The following NALF2 variants were observed in gnomAD, a reference collection of about 807,000 sequenced individuals.
NALF2 encodes NALCN channel auxiliary factor 2, also known as bB57D9.1 (TED protein).
NALF2 carries 1 observed loss-of-function variant against 24.8 expected under a neutral mutation model. The ratio of observed to expected loss-of-function variants is 0.04; its 90% CI spans 0.01 to 0.19. The LOEUF is 0.19. Ranked by LOEUF, NALF2 falls within the 10% of genes least tolerant of loss-of-function variation. NALF2 has a pLI of 1.00. For synonymous variants in NALF2, 254 were observed against 189.8 expected (o/e 1.34, Z -2.78); for missense variants, 458 against 409.6 (o/e 1.12, Z -1.02).
rs1191401156 is a variant in NALF2 at position 69,529,852 on chromosome X, A to T, written c.1315A>T (p.Met439Leu). The change falls in exon 3 of 3, where the codon ATG (methionine) becomes TTG (leucine). Residue 439 changes from methionine (M) to leucine (L), a missense_variant. Transcript: ENST00000252338. ...SRIRLCVLVL[M>L]LLHTVVSFSS... is the part of the protein sequence containing the mutation. ...GATCCGGCTCTGCGTCCTTGTTCTCATGCTCCTCCATACCGTGGTGTCCTT... is the reference window on the plus strand; with the variant it reads ...GATCCGGCTCTGCGTCCTTGTTCTCTTGCTCCTCCATACCGTGGTGTCCTT... 8.3e-7 allele frequency: 1 copy of T among 1,210,720 alleles called. No individual in the cohort carries two copies. Among genetic ancestry groups the T allele is most frequent in the South Asian group, 1.8e-5 (1 of 56,932 alleles).
chrX:69,509,731 C>T (rs764524789), intron 1 of NALF2, among the ~76,000 whole-genome samples: 4 of 111,785 alleles, frequency 3.6e-5, no homozygotes, highest in Non-Finnish European at 7.5e-5. Flanking sequence ...AGAGGTGACT[C>T]GGGCAGATAT....
At position 69,504,403 on chromosome X, in the gene NALF2, C is replaced by G. The variant is rs901399555; in HGVS notation, c.-880C>G. ...CCAAACACACTTGCACAGGGGCTCT[C>G]AAGGTGTTCTCCGCACAGCGGAAGA... On this transcript the variant is annotated 5_prime_UTR_variant, in exon 1 of 3. Transcript: ENST00000252338. Among the ~76,000 whole-genome samples the G allele has an allele frequency of 8.8e-6, 1 of 113,304 alleles. No individual in the cohort carries two copies. Among genetic ancestry groups the G allele is most frequent in the African/African-American group, 3.2e-5 (1 of 31,274 alleles).
rs890807136 is a variant in NALF2, at chrX:69,530,437, A to G, written c.*481A>G. Reference sequence around the variant, plus strand: ...CCTACAGGCGACGGCAGACAGTGCAATGGCCCTCCTGCCACTTCAGCACAC... The same window carrying G: ...CCTACAGGCGACGGCAGACAGTGCAGTGGCCCTCCTGCCACTTCAGCACAC... On this transcript the variant is annotated 3_prime_UTR_variant, in exon 3 of 3. Coordinates refer to ENST00000252338, the MANE Select transcript of NALF2 (RefSeq NM_015686.3). The G allele has an allele frequency of 8.5e-6, 1 of 118,029 alleles. No homozygotes were observed. The highest frequency in any genetic ancestry group is 1.8e-5 in the Non-Finnish European group (1 of 56,183). The allele number at this position is 118,029 out of a possible 1,213,427, so 9.7% of individuals were successfully genotyped here.
At chrX:69,519,576 T>G (rs1395418484) in intron 1 of NALF2, among the ~76,000 whole-genome samples, 1 of 112,216 alleles carries the variant, frequency 8.9e-6, no homozygotes, top group East Asian at 2.8e-4. Context: ...GCAAATGTGA[T>G]CTTAGGCTGC....
At chrX:69,514,905 A>G (rs1169642732) in intron 1 of NALF2, among the ~76,000 whole-genome samples, 1 of 112,235 alleles carries the variant, frequency 8.9e-6, no homozygotes, top group Non-Finnish European at 1.9e-5. Context: ...ATGTAATTAA[A>G]TATTCATAAA....
chrX:69,515,957 A>C (rs1234927297), intron 1 of NALF2, among the ~76,000 whole-genome samples: 2 of 112,429 alleles, frequency 1.8e-5, no homozygotes, highest in Non-Finnish European at 3.8e-5. Context: ...TCATCCAGCT[A>C]GTAAGAGTTG....
At chrX:69,511,949 C>A (rs762770146) in intron 1 of NALF2, among the ~76,000 whole-genome samples, 1 of 111,658 alleles carries the variant, frequency 9.0e-6, no homozygotes, top group African/African-American at 3.3e-5. Flanking sequence ...GACTCAGGGG[C>A]GGGAGTGTGC....
At chrX:69,516,947 C>T (rs1279850319) in intron 1 of NALF2, among the ~76,000 whole-genome samples, 2 of 111,751 alleles carry the variant, frequency 1.8e-5, no homozygotes, top group African/African-American at 6.5e-5. Flanking sequence ...GAATGGACTA[C>T]GTAGACTGAT....
intron 1 of NALF2, among the ~76,000 whole-genome samples, chrX:69,507,194 A>C (rs939938390): frequency 1.8e-5 from 2 of 111,572 alleles, no homozygotes; most frequent in Non-Finnish European, 3.8e-5. Flanking sequence ...AGAGTGAGAC[A>C]GTTGCTTTCT....
chrX:69,513,801 C>A (rs1469711604), intron 1 of NALF2, among the ~76,000 whole-genome samples: 1 of 111,001 alleles, frequency 9.0e-6, no homozygotes. Context: ...GTGTACAATT[C>A]AGTGGAATTA....
chrX:69,509,694 A>G (rs1362757101), intron 1 of NALF2, among the ~76,000 whole-genome samples: 4 of 111,319 alleles, frequency 3.6e-5, no homozygotes, highest in Non-Finnish European at 7.5e-5. Flanking sequence ...TTCTGGAGAG[A>G]GTTGAAGGAG....
chrX:69,526,186 C>T (rs1930805669), intron 1 of NALF2, among the ~76,000 whole-genome samples: 1 of 111,665 alleles, frequency 9.0e-6, no homozygotes, highest in Admixed American at 9.5e-5. Context: ...ATTCTCTGTT[C>T]TCTTAACACA....
intron 2 of NALF2, 25 bp from the exon 3 acceptor site, chrX:69,529,545 AC>A: frequency 8.4e-7 from 1 of 1,192,417 alleles, no homozygotes; most frequent in Non-Finnish European, 1.1e-6. Context: ...CGAGCACCCC[AC>A]CACACCTTCC....
intron 1 of NALF2, among the ~76,000 whole-genome samples, chrX:69,513,608 C>G (rs1930616385): frequency 9.9e-6 from 1 of 100,970 alleles, no homozygotes. Flanking sequence ...CTAAGTTAAT[C>G]TCTTAGAATT....
In NALF2 at chrX:69,525,589, C is replaced by T. The variant is rs76175574; in HGVS notation, c.862-3404C>T. Among the ~76,000 whole-genome samples the T allele has an allele frequency of 0.023, 2,477 of 109,364 alleles. 102 individuals are homozygous for T. The East Asian group carries it at 0.24, about 11-fold the overall frequency. 95.0% of individuals were successfully genotyped at this position (109,364 alleles called of 115,157 possible). A position where few individuals can be genotyped will look rare whatever the true frequency, so the allele number is the denominator to read the frequency against. ...TTAGCCACTCTTATTCCATCTTATT[C>T]ACCCCCGCTTGTTCTTACCCATCTT... On this transcript the variant is annotated intron_variant, in intron 1 of 2. Coordinates refer to ENST00000252338, the MANE Select transcript of NALF2 (RefSeq NM_015686.3).
At chrX:69,524,488 A>G (rs1024255849) in intron 1 of NALF2, among the ~76,000 whole-genome samples, 2 of 111,557 alleles carry the variant, frequency 1.8e-5, no homozygotes, top group South Asian at 7.5e-4. Flanking sequence ...GTTCACCCAG[A>G]ACTGACTGTT....
At chrX:69,523,034 T>A (rs1282049923) in intron 1 of NALF2, among the ~76,000 whole-genome samples, 1 of 112,600 alleles carries the variant, frequency 8.9e-6, no homozygotes, top group Non-Finnish European at 1.9e-5. Context: ...TAGCTCACAT[T>A]GCTGCTTTGC....
In NALF2 at chrX:69,505,572, TGCCGCTGCC is replaced by T; in HGVS notation, c.296_304del (p.Leu99_Pro101del). The T allele has an allele frequency of 9.9e-7, 1 of 1,009,382 alleles. No homozygotes were observed. The highest frequency in any genetic ancestry group is 3.3e-5 in the South Asian group (1 of 30,179). 83.2% of individuals were successfully genotyped at this position (1,009,382 alleles called of 1,213,427 possible). The stretch of plus-strand genomic sequence containing the variant: ...CAGCCGGTGCCTCCTCGCGCGGTGC[TGCCGCTGCC>T]GCCGCCGCCGCCCGGCGAGCCCAGC... On this transcript the variant is annotated inframe_deletion, in exon 1 of 3. Coordinates refer to ENST00000252338, the MANE Select transcript of NALF2 (RefSeq NM_015686.3).
chrX:69,505,167 C>A lies in NALF2; in HGVS notation c.-116C>A. ...GCCGGCCTGCCTCACCATGCAGCCCCCGAGGTAGAGCCTGGACGGCGCCGA... is the reference window on the plus strand; with the variant it reads ...GCCGGCCTGCCTCACCATGCAGCCCACGAGGTAGAGCCTGGACGGCGCCGA... On this transcript the variant is annotated 5_prime_UTR_variant, in exon 1 of 3. Transcript: ENST00000252338. 2 of 748,572 alleles carry A rather than the reference C, an allele frequency of 2.7e-6. No homozygotes were observed. The highest frequency in any genetic ancestry group is 3.6e-6 in the Non-Finnish European group (2 of 552,321). 61.7% of individuals were successfully genotyped at this position (748,572 alleles called of 1,213,427 possible).
Sources: allele counts gnomAD v4.1 joint callset (sites outside exome capture counted in the v4.1 genomes callset), GRCh38; gene constraint gnomAD v4.1.1; transcripts MANE v1.5; gene names NCBI Gene and HGNC (gene_info 2026-07-23, HGNC 2026-07-21).